Variants in SNX18 observed in about 807,000 individuals in gnomAD.
The protein encoded by SNX18 is sorting nexin-18.
In SNX18, 35 loss-of-function variants were observed where a neutral mutation model predicts 48.7. The ratio of observed to expected loss-of-function variants is 0.72; its 90% CI spans 0.55 to 0.95. The LOEUF is 0.95. SNX18 is among the 40% of genes least tolerant of loss of function. The pLI is 0.00. For synonymous variants in SNX18, 492 were observed against 384.7 expected, an observed-to-expected ratio of 1.28 and a Z score of -3.26; for missense variants, 824 against 871.0, an observed-to-expected ratio of 0.95 and a Z score of 0.68.
the SNX18 span, among the ~76,000 whole-genome samples, chr5:54,640,543 G>A: frequency 2.1e-4 from 32 of 152,264 alleles, 1 homozygote; most frequent in African/African-American, 2.6e-4. Context: ...CTCATCTTAC[G>A]CTCTGGCCTA....
the SNX18 span, among the ~76,000 whole-genome samples, chr5:54,571,746 G>A: frequency 2.6e-5 from 4 of 152,208 alleles, no homozygotes; most frequent in African/African-American, 7.2e-5. Flanking sequence ...TGCCTGGAAG[G>A]GCAGGGCTTT....
the SNX18 span, among the ~76,000 whole-genome samples, chr5:54,599,526 C>A: frequency 2.6e-5 from 4 of 152,070 alleles, no homozygotes; most frequent in African/African-American, 9.7e-5. Flanking sequence ...ATAGCCAAGT[C>A]AATTCTAAAG....
rs1303062670 is a variant in SNX18 at position 54,518,546 on chromosome 5, C to T, written c.594C>T (p.Arg198=). The change falls in exon 1 of 2, where the codon CGC becomes CGT. Residue 198 remains arginine, a synonymous_variant. Transcript: ENST00000381410. ...GAAGRYRLST[R]SDLSLGSRGG... ...CCGGCCGCTACCGCCTGTCCACGCG[C>T]TCCGACCTGTCCCTGGGTTCCCGCG... 1 of 1,587,234 alleles carries T rather than the reference C, an allele frequency of 6.3e-7. No homozygotes were observed. The highest frequency in any genetic ancestry group is 1.1e-5 in the South Asian group (1 of 87,384).
At chr5:54,603,053 G>A in the SNX18 span, among the ~76,000 whole-genome samples, 3 of 152,034 alleles carry the variant, frequency 2.0e-5, no homozygotes, top group East Asian at 3.9e-4. Flanking sequence ...TATTATTTGG[G>A]CATTCTTTAA....
intron 1 of SNX18, among the ~76,000 whole-genome samples, chr5:54,534,341 A>G (rs139515581): frequency 1.9e-4 from 29 of 151,940 alleles, no homozygotes; most frequent in African/African-American, 7.0e-4. Context: ...CATACTGAGA[A>G]TAAGAGATTG....
the SNX18 span, among the ~76,000 whole-genome samples, chr5:54,579,628 A>G: frequency 6.6e-6 from 1 of 152,234 alleles, no homozygotes; most frequent in Non-Finnish European, 1.5e-5. Flanking sequence ...GGGATGTGAG[A>G]GTCTAGTAAA....
the SNX18 span, among the ~76,000 whole-genome samples, chr5:54,611,622 T>A: frequency 3.9e-3 from 600 of 152,342 alleles, 3 homozygotes; most frequent in African/African-American, 0.014. Context: ...TAGTTTGTCT[T>A]TCACTTGCCT....
At chr5:54,642,170 C>T in the SNX18 span, among the ~76,000 whole-genome samples, 1 of 152,182 alleles carries the variant, frequency 6.6e-6, no homozygotes, top group Non-Finnish European at 1.5e-5. Flanking sequence ...AGGCTGGGAA[C>T]TTTTTTGTCC....
chr5:54,627,032 CAT>C, the SNX18 span, among the ~76,000 whole-genome samples: 1 of 152,172 alleles, frequency 6.6e-6, no homozygotes, highest in Admixed American at 6.5e-5. Flanking sequence ...ATTCCTCTGA[CAT>C]ATATTCATTC....
At chr5:54,591,010 C>A in the SNX18 span, among the ~76,000 whole-genome samples, 1 of 152,156 alleles carries the variant, frequency 6.6e-6, no homozygotes, top group Non-Finnish European at 1.5e-5. Context: ...CCCATCCCCC[C>A]TCACTTCTCC....
At chr5:54,584,347 C>T in the SNX18 span, among the ~76,000 whole-genome samples, 665 of 152,126 alleles carry the variant, frequency 4.4e-3, 8 homozygotes, top group African/African-American at 0.015. Flanking sequence ...TGCGTCCAGG[C>T]ACCAGTGTGT....
At chr5:54,610,848 A>T in the SNX18 span, among the ~76,000 whole-genome samples, 37 of 152,204 alleles carry the variant, frequency 2.4e-4, no homozygotes, top group African/African-American at 8.9e-4. Flanking sequence ...GAGCACAGTC[A>T]GTTAGTAGCC....
chr5:54,584,238 A>G, the SNX18 span, among the ~76,000 whole-genome samples: 2 of 151,802 alleles, frequency 1.3e-5, no homozygotes, highest in Non-Finnish European at 2.9e-5. Flanking sequence ...TTTAGTAGAG[A>G]TGGGTTTCAC....
intron 1 of SNX18, 38 bp downstream of exon 1, chr5:54,519,611 A>G (rs547869807): frequency 6.2e-7 from 1 of 1,614,170 alleles, no homozygotes; most frequent in Admixed American, 1.7e-5. Flanking sequence ...TATGGAGTGT[A>G]TTGTGCAGGC....
the SNX18 span, among the ~76,000 whole-genome samples, chr5:54,593,115 T>C: frequency 6.6e-6 from 1 of 152,194 alleles, no homozygotes; most frequent in African/African-American, 2.4e-5. Context: ...AAATATATTA[T>C]TGATAGTCGG....
the SNX18 span, among the ~76,000 whole-genome samples, chr5:54,566,176 C>T: frequency 1.3e-5 from 2 of 152,170 alleles, no homozygotes; most frequent in African/African-American, 4.8e-5. Context: ...CCCTAGAATT[C>T]TCTTTCACCA....
chr5:54,536,042 T>C (rs13186532), intron 1 of SNX18, among the ~76,000 whole-genome samples: 59,726 of 151,994 alleles, frequency 0.39, 12,669 homozygotes, highest in Non-Finnish European at 0.48. Context: ...CAGGTAAACC[T>C]AGAGCTTACT....
the SNX18 span, among the ~76,000 whole-genome samples, chr5:54,598,272 G>A: frequency 1.3e-5 from 2 of 152,080 alleles, no homozygotes; most frequent in African/African-American, 4.8e-5. Context: ...AGGGCCAGAT[G>A]GATTTACAGC....
At chr5:54,594,690 G>A in the SNX18 span, among the ~76,000 whole-genome samples, 8 of 152,112 alleles carry the variant, frequency 5.3e-5, no homozygotes, top group African/African-American at 1.2e-4. Context: ...CACCCAAATT[G>A]TATTTTAAAA....
Sources: allele counts gnomAD v4.1 joint callset (sites outside exome capture counted in the v4.1 genomes callset), GRCh38; gene constraint gnomAD v4.1.1; transcripts MANE v1.5; gene names NCBI Gene and HGNC (gene_info 2026-07-23, HGNC 2026-07-21).